MXD4: variants seen among roughly 807,000 people sequenced by gnomAD.
MXD4 encodes the protein Mad4 homolog.
MXD4 carries 16 observed loss-of-function variants against 24.5 expected under a neutral mutation model. The ratio of observed to expected loss-of-function variants is 0.65; its 90% CI spans 0.44 to 0.99. MXD4 has a LOEUF of 0.99. Among genes scored for constraint, MXD4 ranks in the 50% least tolerant of loss-of-function variants. MXD4 has a pLI of 0.00. For missense variants in MXD4, 301 were observed against 301.5 expected (o/e 1.00, Z 0.01); for synonymous variants, 164 against 134.2 (o/e 1.22, Z -1.54).
chr4:2,252,362 A>G (rs1285454541), intron 4 of MXD4, 46 bp downstream of exon 4: 1 of 1,503,410 alleles, frequency 6.7e-7, no homozygotes. Flanking sequence ...GTGCAGGGAC[A>G]CTGAGGCAGC....
chr4:2,257,012 T>A (rs1173618054), intron 3 of MXD4, among the ~76,000 whole-genome samples: 1 of 152,118 alleles, frequency 6.6e-6, no homozygotes, highest in Non-Finnish European at 1.5e-5. Context: ...CTCTGTGGCC[T>A]CTAGGGAACC....
chr4:2,261,957 G>T lies in MXD4; in HGVS notation c.24C>A (p.Ile8=), dbSNP rs752174395. The T allele has an allele frequency of 6.9e-7, 1 of 1,442,590 alleles. No individual in the cohort carries two copies. The highest frequency in any genetic ancestry group is 9.2e-7 in the Non-Finnish European group (1 of 1,092,694). 89.4% of individuals were successfully genotyped at this position (1,442,590 alleles called of 1,614,324 possible). A position where few individuals can be genotyped will look rare whatever the true frequency, so the allele number is the denominator to read the frequency against. ...CCAGGTACTCGGCCGCCTCCAGCAGGATCAGCAGGGAGTTCAGCTCCATCC... is the reference window on the plus strand; with the variant it reads ...CCAGGTACTCGGCCGCCTCCAGCAGTATCAGCAGGGAGTTCAGCTCCATCC... The part of the protein sequence containing the change: MELNSLL[I]LLEAAEYLER... Residue 8 remains isoleucine (I), a synonymous_variant, in exon 1 of 6, where the codon ATC becomes ATA. Coordinates refer to ENST00000337190, the MANE Select transcript of MXD4 (RefSeq NM_006454.3).
chr4:2,254,684 C>G (rs1263960119), intron 3 of MXD4: 2 of 153,036 alleles, frequency 1.3e-5, no homozygotes, highest in South Asian at 2.0e-4. Context: ...CTCGATGTCA[C>G]AACGGGCGAA....
chr4:2,258,070 G>T, intron 2 of MXD4, 59 bp from the exon 3 acceptor site: 1 of 1,605,890 alleles, frequency 6.2e-7, no homozygotes, highest in Non-Finnish European at 8.5e-7. Flanking sequence ...AGGGCACAGA[G>T]AGCAGTGCTC....
At chr4:2,250,742 G>A (rs373846098) in intron 5 of MXD4, 41 bp from the exon 6 acceptor site, 57 of 1,593,782 alleles carry the variant, frequency 3.6e-5, no homozygotes, top group Non-Finnish European at 4.7e-5. Flanking sequence ...GCCACTCTGA[G>A]GGTGCCAGCC....
rs974209140 is a variant in MXD4, at chr4:2,261,753, C to T, written c.136G>A (p.Gly46Ser). ...TTGTTCGGGGCCTTGCGCACCAGGC[C>T]GGCCGCCTTTGTTTTCTCCCTGGCG... ...DFAREKTKAA[G>S]LVRKAPNNRS... The change falls in exon 2 of 6, where the codon GGC (glycine) becomes AGC (serine). Residue 46 changes from glycine (G) to serine (S), a missense_variant. Gly to Ser is a moderately conservative substitution (Grantham distance 56). Coordinates refer to ENST00000337190, the MANE Select transcript of MXD4 (RefSeq NM_006454.3). 3 of 1,428,330 alleles carry T rather than the reference C, an allele frequency of 2.1e-6. No homozygotes were observed. The African/African-American group carries it at 4.5e-5, about 21-fold the overall frequency. The allele number at this position is 1,428,330 out of a possible 1,614,324, so 88.5% of individuals were successfully genotyped here.
At chr4:2,255,497 C>T in intron 3 of MXD4, 1 of 429,610 alleles carries the variant, frequency 2.3e-6, no homozygotes, top group South Asian at 1.7e-5. Context: ...TGGCCTGGAG[C>T]CAACTCTACA....
At chr4:2,261,877 C>A in intron 1 of MXD4, 40 bp downstream of exon 1, 4 of 1,397,498 alleles carry the variant, frequency 2.9e-6, no homozygotes, top group Non-Finnish European at 3.7e-6. Context: ...CCCCGCCGCC[C>A]GCCCACCGCC....
At chr4:2,260,458 C>G in intron 2 of MXD4, 1 of 435,214 alleles carries the variant, frequency 2.3e-6, no homozygotes, top group Non-Finnish European at 4.7e-6. Context: ...TGGTTGTCAG[C>G]TTTGGATTCT....
intron 2 of MXD4, chr4:2,259,085 T>C (rs28619238): frequency 0.22 from 88,673 of 407,992 alleles, 12,600 homozygotes; most frequent in African/African-American, 0.49. Context: ...GAGCTCAGAC[T>C]GCCTCGGGGC....
intron 2 of MXD4, among the ~76,000 whole-genome samples, chr4:2,261,321 G>A (rs1264901649): frequency 6.6e-6 from 1 of 152,192 alleles, no homozygotes; most frequent in Non-Finnish European, 1.5e-5. Context: ...AAGGGGTTAG[G>A]GCCGGCAGCC....
intron 3 of MXD4, chr4:2,254,423 G>A (rs1187249212): frequency 6.6e-6 from 1 of 152,136 alleles, no homozygotes; most frequent in Non-Finnish European, 1.5e-5. Context: ...TGCGTCTCCA[G>A]GCGAAGCACC....
intron 5 of MXD4, 90 bp from the exon 6 acceptor site, chr4:2,250,791 G>A (rs1039547510): frequency 6.7e-7 from 1 of 1,486,738 alleles, no homozygotes; most frequent in East Asian, 2.4e-5. Flanking sequence ...TCTAGGCAGA[G>A]GGGCAGAAGT....
intron 3 of MXD4, 161 bp from the exon 4 acceptor site, chr4:2,252,683 C>A (rs948252599): frequency 6.9e-6 from 4 of 579,160 alleles, no homozygotes; most frequent in African/African-American, 1.9e-5. Flanking sequence ...CCCCCGTCCC[C>A]CACCCCCAGG....
intron 2 of MXD4, among the ~76,000 whole-genome samples, chr4:2,261,504 C>A (rs1735544372): frequency 6.6e-6 from 1 of 150,694 alleles, no homozygotes; most frequent in Non-Finnish European, 1.5e-5. Context: ...ACGCGAGCGG[C>A]CCGGGAGGCG....
intron 1 of MXD4, 31 bp from the exon 2 acceptor site, chr4:2,261,855 C>G (rs758973830): frequency 7.3e-7 from 1 of 1,368,120 alleles, no homozygotes; most frequent in Non-Finnish European, 9.4e-7. Flanking sequence ...CAGCGGCCCC[C>G]GCCCGGCACG....
intron 4 of MXD4, 57 bp downstream of exon 4, chr4:2,252,351 C>T (rs1026968811): frequency 8.0e-6 from 11 of 1,377,722 alleles, no homozygotes; most frequent in South Asian, 1.2e-5. Flanking sequence ...CCCCCCAGGG[C>T]GTGCAGGGAC....
chr4:2,258,135 G>T, intron 2 of MXD4, 124 bp from the exon 3 acceptor site: 1 of 1,226,932 alleles, frequency 8.2e-7, no homozygotes, highest in Non-Finnish European at 1.2e-6. Context: ...GTCCTGGAAT[G>T]GCCCAGAGCA....
intron 2 of MXD4, among the ~76,000 whole-genome samples, chr4:2,259,764 G>A (rs1290011844): frequency 6.6e-6 from 1 of 152,132 alleles, no homozygotes; most frequent in Non-Finnish European, 1.5e-5. Flanking sequence ...CCTCAGGAGA[G>A]GTGGGACCTG....
Sources: allele counts gnomAD v4.1 joint callset (sites outside exome capture counted in the v4.1 genomes callset), GRCh38; gene constraint gnomAD v4.1.1; transcripts MANE v1.5; gene names NCBI Gene and HGNC (gene_info 2026-07-23, HGNC 2026-07-21).